Variants in ANO6 observed in about 807,000 individuals in gnomAD.
ANO6 encodes the protein anoctamin-6.
Under a neutral mutation model 117.5 loss-of-function variants are expected in ANO6, and 106 were observed. The observed-to-expected ratio is 0.90, with a 90% CI of 0.77 to 1.06. The LOEUF (loss-of-function observed/expected upper bound fraction) is 1.06. Ranked by LOEUF, ANO6 falls within the 50% of genes least tolerant of loss-of-function variation. The probability of loss-of-function intolerance (pLI) is 0.00; values close to 1 mark genes in which losing one functional copy is unlikely to be tolerated. For missense variants in ANO6, 955 were observed against 1,121.1 expected (o/e 0.85, Z 2.12); for synonymous variants, 367 against 385.1 (o/e 0.95, Z 0.55).
At chr12:45,241,197 T>C (rs969432245) in intron 1 of ANO6, among the ~76,000 whole-genome samples, 3 of 152,246 alleles carry the variant, frequency 2.0e-5, no homozygotes, top group African/African-American at 7.2e-5. Flanking sequence ...CAATCAAACA[T>C]AGATTTGGTC....
At chr12:45,362,048 T>G (rs1415562312) in intron 8 of ANO6, among the ~76,000 whole-genome samples, 3 of 152,122 alleles carry the variant, frequency 2.0e-5, no homozygotes, top group Admixed American at 6.5e-5. Flanking sequence ...TAAAAGAGTT[T>G]ATGAAACATT....
At chr12:45,278,794 A>G (rs1938631909) in intron 1 of ANO6, among the ~76,000 whole-genome samples, 1 of 152,210 alleles carries the variant, frequency 6.6e-6, no homozygotes, top group African/African-American at 2.4e-5. Flanking sequence ...CTGTCTAGAA[A>G]GATGGCTGGA....
At chr12:45,325,840 A>G (rs1034918601) in intron 2 of ANO6, among the ~76,000 whole-genome samples, 1 of 152,182 alleles carries the variant, frequency 6.6e-6, no homozygotes, top group Non-Finnish European at 1.5e-5. Context: ...CTGTGGGTTT[A>G]CGAAAAAGAT....
chr12:45,315,163 C>G (rs1264018615), intron 2 of ANO6, among the ~76,000 whole-genome samples: 1 of 152,112 alleles, frequency 6.6e-6, no homozygotes, highest in Non-Finnish European at 1.5e-5. Context: ...ACGATAGCCA[C>G]TGACCACACA....
intron 1 of ANO6, among the ~76,000 whole-genome samples, chr12:45,223,209 A>C (rs997007371): frequency 6.6e-5 from 10 of 152,218 alleles, no homozygotes; most frequent in African/African-American, 2.4e-4. Flanking sequence ...ATTTATAAAC[A>C]GTTCATCAGA....
chr12:45,354,517 C>T (rs1483350947), intron 7 of ANO6, among the ~76,000 whole-genome samples: 2 of 151,648 alleles, frequency 1.3e-5, no homozygotes, highest in Admixed American at 6.6e-5. Context: ...CAGAGAGATC[C>T]CAGGTGACAC....
rs535631125 is a variant in ANO6 at position 45,321,613 on chromosome 12, T to G, written c.151-9682T>G. Among the ~76,000 whole-genome samples, 1,284 of 152,252 alleles carry G rather than the reference T, an allele frequency of 8.4e-3. 7 individuals carry two copies. Among genetic ancestry groups the G allele is most frequent in the Middle Eastern group, 0.051 (15 of 294 alleles). ...TGTATTTTGTCACTAACAGGAAATG[T>G]TGTCAGTTGTTTTCCTTGAAATGAC... is the stretch of plus-strand genomic sequence containing the variant. On this transcript the variant is annotated intron_variant, in intron 2 of 19. Coordinates refer to ENST00000320560, the MANE Select transcript of ANO6 (RefSeq NM_001025356.3).
rs17095554 is a variant in ANO6, at chr12:45,221,594, C to G, written c.70+5203C>G. On this transcript the variant is annotated intron_variant, in intron 1 of 19. Coordinates refer to ENST00000320560, the MANE Select transcript of ANO6 (RefSeq NM_001025356.3). ...ATTGGATTTGCTTTTGGAAAGATCTCCATGGTAGCACGTTCTAAAATGGGT... is the reference window on the plus strand; with the variant it reads ...ATTGGATTTGCTTTTGGAAAGATCTGCATGGTAGCACGTTCTAAAATGGGT... Among the ~76,000 whole-genome samples the G allele has an allele frequency of 7.1e-3, 1,077 of 152,200 alleles. 21 individuals are homozygous for G. Among genetic ancestry groups the G allele is most frequent in the African/African-American group, 0.024 (1,015 of 41,522 alleles).
At chr12:45,390,826 CAAAAT>C (rs771274068) in intron 12 of ANO6, among the ~76,000 whole-genome samples, 121 of 152,216 alleles carry the variant, frequency 7.9e-4, no homozygotes, top group Non-Finnish European at 1.1e-3. Flanking sequence ...CAGCAACAAT[CAAAAT>C]AAAATGTTGG....
At chr12:45,326,627 C>G (rs910493297) in intron 2 of ANO6, among the ~76,000 whole-genome samples, 1 of 152,148 alleles carries the variant, frequency 6.6e-6, no homozygotes, top group Non-Finnish European at 1.5e-5. Flanking sequence ...TGAAATATTT[C>G]TCCCTTTTCC....
In ANO6 at chr12:45,318,089, T is replaced by C. The variant is rs546215713; in HGVS notation, c.151-13206T>C. On this transcript the variant is annotated intron_variant, in intron 2 of 19. Coordinates refer to ENST00000320560, the MANE Select transcript of ANO6 (RefSeq NM_001025356.3). ...TCTGTAGGTTGCTTGTTCACTCTGA[T>C]GGTAATTTCTTTTGCTGTGCAGAAG... Among the ~76,000 whole-genome samples the C allele has an allele frequency of 2.6e-5, 4 of 152,346 alleles. No individual in the cohort carries two copies. In the South Asian group the frequency reaches 6.2e-4, roughly 24 times the overall value.
At chr12:45,274,073 C>T (rs1257567178) in intron 1 of ANO6, among the ~76,000 whole-genome samples, 2 of 152,084 alleles carry the variant, frequency 1.3e-5, no homozygotes, top group Non-Finnish European at 2.9e-5. Context: ...TTGTTCTTTC[C>T]CAATCTCTCC....
At chr12:45,361,590 T>G (rs1941556681) in intron 8 of ANO6, among the ~76,000 whole-genome samples, 1 of 152,130 alleles carries the variant, frequency 6.6e-6, no homozygotes, top group Non-Finnish European at 1.5e-5. Flanking sequence ...GAGGAAAGCA[T>G]TCAGTCTTTC....
At chr12:45,346,775 G>A (rs1355982430) in intron 3 of ANO6, among the ~76,000 whole-genome samples, 1 of 152,166 alleles carries the variant, frequency 6.6e-6, no homozygotes, top group Non-Finnish European at 1.5e-5. Flanking sequence ...GGACAGCCAA[G>A]GGCCTTCCAG....
At chr12:45,324,180 A>T (rs992892065) in intron 2 of ANO6, among the ~76,000 whole-genome samples, 2 of 152,072 alleles carry the variant, frequency 1.3e-5, no homozygotes, top group South Asian at 2.1e-4. Context: ...GTGATCCGCC[A>T]CCTCGACCTC....
chr12:45,275,350 C>T (rs1400135936), intron 1 of ANO6, among the ~76,000 whole-genome samples: 1 of 152,134 alleles, frequency 6.6e-6, no homozygotes, highest in Non-Finnish European at 1.5e-5. Flanking sequence ...GCTGGGATTA[C>T]AGGCACCCGC....
chr12:45,408,635 T>C (rs1477600373), intron 15 of ANO6, among the ~76,000 whole-genome samples: 1 of 152,166 alleles, frequency 6.6e-6, no homozygotes, highest in Admixed American at 6.5e-5. Context: ...AAAATAGGAA[T>C]TGGACCTATT....
intron 15 of ANO6, among the ~76,000 whole-genome samples, chr12:45,408,615 G>T (rs1943005819): frequency 6.6e-6 from 1 of 152,176 alleles, no homozygotes; most frequent in African/African-American, 2.4e-5. Context: ...GTCCTTAAAT[G>T]ATTCAGCTTA....
intron 1 of ANO6, among the ~76,000 whole-genome samples, chr12:45,287,100 G>A (rs758139277): frequency 7.9e-5 from 12 of 152,164 alleles, no homozygotes; most frequent in South Asian, 2.1e-4. Flanking sequence ...TACTTTATGC[G>A]TAATTACTAA....
Sources: gnomAD v4.1 joint callset for allele counts (sites outside exome capture counted in the v4.1 genomes callset) on GRCh38, gnomAD v4.1.1 for gene constraint, MANE v1.5 for transcripts, NCBI Gene and HGNC (gene_info 2026-07-23, HGNC 2026-07-21) for gene names.